The following UBR3 variants were observed in gnomAD, a reference collection of about 807,000 sequenced individuals.
The protein encoded by UBR3 is E3 ubiquitin-protein ligase UBR3.
UBR3 carries 85 observed loss-of-function variants against 243.2 expected under a neutral mutation model. That is an observed-to-expected ratio of 0.35 (90% CI 0.29 to 0.42). The LOEUF is 0.42. UBR3 is among the 10% of genes least tolerant of loss of function. The pLI is 1.00. For synonymous variants in UBR3, 748 were observed against 799.8 expected, an observed-to-expected ratio of 0.94 and a Z score of 1.09; for missense variants, 1,686 against 2,300.8, an observed-to-expected ratio of 0.73 and a Z score of 5.47.
chr2:169,855,541 T>A (rs990496550), intron 1 of UBR3, among the ~76,000 whole-genome samples: 1 of 151,554 alleles, frequency 6.6e-6, no homozygotes, highest in Non-Finnish European at 1.5e-5. Flanking sequence ...GATTAGGGAG[T>A]GGTGATGACT....
At chr2:169,919,155 A>G (rs1425699290) in intron 11 of UBR3, among the ~76,000 whole-genome samples, 1 of 152,238 alleles carries the variant, frequency 6.6e-6, no homozygotes, top group Non-Finnish European at 1.5e-5. Flanking sequence ...CCTATGGTGC[A>G]TGAATTTATG....
intron 20 of UBR3, among the ~76,000 whole-genome samples, chr2:169,943,146 ACTTG>A (rs1345898192): frequency 2.0e-5 from 3 of 152,206 alleles, no homozygotes; most frequent in Admixed American, 6.5e-5. Context: ...TGATGCTTTT[ACTTG>A]CTTGTTATCT....
chr2:169,880,632 G>A (rs955789781), intron 5 of UBR3, among the ~76,000 whole-genome samples: 1 of 152,180 alleles, frequency 6.6e-6, no homozygotes, highest in Non-Finnish European at 1.5e-5. Context: ...ACGTGTGTGT[G>A]TATTGAGGGG....
chr2:169,958,116 T>A (rs1323762146), intron 23 of UBR3, among the ~76,000 whole-genome samples: 1 of 152,248 alleles, frequency 6.6e-6, no homozygotes, highest in Non-Finnish European at 1.5e-5. Flanking sequence ...ATGTTCTTGG[T>A]CTTGCTACCT....
rs574908613 is a variant in UBR3 at position 170,043,524 on chromosome 2, A to G, written c.4660+2539A>G. ...ATAGAATAAATTCAGGAAATCATCA[A>G]TGTAAAAATGTATAATATTGTTAAT... On this transcript the variant is annotated intron_variant, in intron 32 of 38. Coordinates refer to ENST00000272793, the MANE Select transcript of UBR3 (RefSeq NM_172070.4). Among the ~76,000 whole-genome samples the G allele has an allele frequency of 9.8e-5, 15 of 152,348 alleles. No homozygotes were observed. The East Asian group carries it at 1.9e-3, about 20-fold the overall frequency.
At chr2:169,830,079 A>G (rs573534834) in intron 1 of UBR3, among the ~76,000 whole-genome samples, 2 of 152,232 alleles carry the variant, frequency 1.3e-5, no homozygotes, top group East Asian at 1.9e-4. Context: ...AAACTGCTGC[A>G]TAGTGTTCCA....
At chr2:169,971,295 A>C (rs2088130220) in intron 24 of UBR3, among the ~76,000 whole-genome samples, 1 of 151,204 alleles carries the variant, frequency 6.6e-6, no homozygotes, top group Admixed American at 6.6e-5. Context: ...CTCTGATGGT[A>C]GTTTCTTTTG....
chr2:169,862,150 ACTTTC>A (rs750816959), intron 1 of UBR3, among the ~76,000 whole-genome samples: 55 of 152,090 alleles, frequency 3.6e-4, no homozygotes, highest in Non-Finnish European at 6.6e-4. Flanking sequence ...CTCTATTTTT[ACTTTC>A]AAGTTTTCTG....
intron 24 of UBR3, chr2:169,964,968 T>C: frequency 2.2e-6 from 1 of 456,754 alleles, no homozygotes. Flanking sequence ...TGGTGACAGG[T>C]GAGGCAATAA....
At chr2:169,991,344 T>C (rs13413389) in intron 25 of UBR3, among the ~76,000 whole-genome samples, 1 of 152,162 alleles carries the variant, frequency 6.6e-6, no homozygotes, top group Non-Finnish European at 1.5e-5. Context: ...CCTAACAGAC[T>C]TATATAGAAC....
At chr2:169,857,031 T>A (rs1169114285) in intron 1 of UBR3, among the ~76,000 whole-genome samples, 1 of 151,448 alleles carries the variant, frequency 6.6e-6, no homozygotes, top group Non-Finnish European at 1.5e-5. Context: ...TTTAAAGGTA[T>A]CTTGTTAATG....
At chr2:169,844,081 A>T (rs1249976474) in intron 1 of UBR3, among the ~76,000 whole-genome samples, 2 of 144,714 alleles carry the variant, frequency 1.4e-5, no homozygotes, top group African/African-American at 2.6e-5. Flanking sequence ...ACCTCGGCTC[A>T]TTGCAACCTC....
intron 11 of UBR3, among the ~76,000 whole-genome samples, chr2:169,916,906 C>T (rs2085486145): frequency 6.6e-6 from 1 of 151,990 alleles, no homozygotes; most frequent in Admixed American, 6.6e-5. Context: ...TCAATTACCC[C>T]AGCAGTTGCC....
intron 1 of UBR3, among the ~76,000 whole-genome samples, chr2:169,832,168 G>A (rs189607647): frequency 1.3e-5 from 2 of 152,324 alleles, no homozygotes; most frequent in Admixed American, 6.5e-5. Flanking sequence ...CAATGTGGCA[G>A]TATTAGCAGA....
chr2:170,073,814 T>G (rs1215539221), intron 36 of UBR3, among the ~76,000 whole-genome samples: 1 of 152,194 alleles, frequency 6.6e-6, no homozygotes, highest in South Asian at 2.1e-4. Flanking sequence ...GTCAATACTT[T>G]TAGTTTGTTT....
chr2:170,033,293 C>A (rs1486033366), intron 31 of UBR3, among the ~76,000 whole-genome samples: 1 of 151,990 alleles, frequency 6.6e-6, no homozygotes, highest in Admixed American at 6.6e-5. Flanking sequence ...TATAGTACTT[C>A]ATGCTAGGCA....
At chr2:170,075,150 A>AT (rs757628111) in intron 36 of UBR3, among the ~76,000 whole-genome samples, 1 of 152,046 alleles carries the variant, frequency 6.6e-6, no homozygotes, top group East Asian at 1.9e-4. Context: ...GTTCTTTTCC[A>AT]TTTTTTGCTG....
At chr2:169,864,081 T>G (rs1005203986) in intron 1 of UBR3, among the ~76,000 whole-genome samples, 2 of 152,118 alleles carry the variant, frequency 1.3e-5, no homozygotes, top group Non-Finnish European at 2.9e-5. Flanking sequence ...GATCTTACTC[T>G]GTCATCCAGA....
intron 17 of UBR3, among the ~76,000 whole-genome samples, 170 bp downstream of exon 17, chr2:169,927,575 GTTTT>G (rs5836254): frequency 5.5e-5 from 8 of 146,140 alleles, no homozygotes; most frequent in South Asian, 4.3e-4. Context: ...CCTGGTGACT[GTTTT>G]TTTTTTTTTT....
Sources: gnomAD v4.1 joint callset for allele counts (sites outside exome capture counted in the v4.1 genomes callset) on GRCh38, gnomAD v4.1.1 for gene constraint, MANE v1.5 for transcripts, NCBI Gene and HGNC (gene_info 2026-07-23, HGNC 2026-07-21) for gene names.